The following SEC14L1 variants were observed in gnomAD, a reference collection of about 807,000 sequenced individuals.
SEC14L1 encodes SEC14 like lipid binding 1, also known as SEC14-like protein 1.
SEC14L1 carries 48 observed loss-of-function variants against 85.3 expected under a neutral mutation model. The ratio of observed to expected loss-of-function variants is 0.56; its 90% CI spans 0.45 to 0.72. The LOEUF is 0.72. Ranked by LOEUF, SEC14L1 falls within the 30% of genes least tolerant of loss-of-function variation. The pLI, the probability that SEC14L1 is intolerant of heterozygous loss-of-function variation, is 0.00. For missense variants in SEC14L1, 682 were observed against 921.4 expected (o/e 0.74, Z 3.36); for synonymous variants, 391 against 355.5 (o/e 1.10, Z -1.12).
intron 14 of SEC14L1, chr17:77,211,580 T>A (rs1976752981): frequency 5.3e-6 from 1 of 190,458 alleles, no homozygotes; most frequent in South Asian, 1.1e-4. Context: ...GCTTTCACCT[T>A]CTCCAGGGCC....
intron 3 of SEC14L1, chr17:77,127,859 G>A (rs1018338714): frequency 1.3e-5 from 2 of 152,180 alleles, no homozygotes; most frequent in African/African-American, 4.8e-5. Context: ...AGAGAAAGGA[G>A]AGAGATTTGA....
intron 5 of SEC14L1, among the ~76,000 whole-genome samples, chr17:77,192,940 G>A (rs889667167): frequency 1.3e-5 from 2 of 152,232 alleles, no homozygotes; most frequent in Non-Finnish European, 2.9e-5. Flanking sequence ...GGGATTGCAG[G>A]TGTGAACCAT....
intron 3 of SEC14L1, among the ~76,000 whole-genome samples, chr17:77,107,598 A>G (rs1971943528): frequency 6.7e-6 from 1 of 148,434 alleles, no homozygotes; most frequent in African/African-American, 2.6e-5. Flanking sequence ...AGGAGTCCGT[A>G]GACCAGGTCA....
intron 5 of SEC14L1, among the ~76,000 whole-genome samples, chr17:77,192,831 T>G (rs1975611617): frequency 6.6e-6 from 1 of 152,126 alleles, no homozygotes; most frequent in Non-Finnish European, 1.5e-5. Context: ...TGGCTAGTTT[T>G]TAAATTTTTT....
intron 3 of SEC14L1, among the ~76,000 whole-genome samples, chr17:77,182,456 A>C (rs533185088): frequency 2.6e-5 from 4 of 152,334 alleles, no homozygotes; most frequent in African/African-American, 9.6e-5. Context: ...TCTCAGGGTC[A>C]GGTTGATGAG....
intron 3 of SEC14L1, among the ~76,000 whole-genome samples, chr17:77,100,267 T>C (rs1315626603): frequency 6.6e-6 from 1 of 152,226 alleles, no homozygotes; most frequent in Non-Finnish European, 1.5e-5. Context: ...CCGAGCACTG[T>C]GGTCATCTGT....
upstream of SEC14L1, among the ~76,000 whole-genome samples, chr17:77,139,118 G>A (rs1972882544): frequency 6.7e-6 from 1 of 149,490 alleles, no homozygotes; most frequent in South Asian, 2.1e-4. Flanking sequence ...TGTATTTCCT[G>A]TAAACTGGTG....
In SEC14L1 at chr17:77,214,056, G is replaced by C. The variant is rs756934207; in HGVS notation, c.*33G>C. 6.3e-7 allele frequency: 1 copy of C among 1,596,176 alleles called. No homozygotes were observed. Among genetic ancestry groups the C allele is most frequent in the Admixed American group, 1.7e-5 (1 of 58,074 alleles). ...CTGCCTGCACCTAGTGTGCAGAGGG[G>C]ACGGCCGCCCCTCCTCGGACAGCCA... On this transcript the variant is annotated 3_prime_UTR_variant, in exon 17 of 17. Coordinates refer to ENST00000436233, the MANE Select transcript of SEC14L1 (RefSeq NM_001143998.2).
intron 3 of SEC14L1, among the ~76,000 whole-genome samples, chr17:77,159,568 A>G (rs1486140502): frequency 1.3e-5 from 2 of 150,814 alleles, no homozygotes; most frequent in Admixed American, 6.6e-5. Context: ...TTTAGTAGGG[A>G]TGGGGTTTCA....
At chr17:77,202,777 G>A (rs564754065) in intron 9 of SEC14L1, among the ~76,000 whole-genome samples, 11 of 151,906 alleles carry the variant, frequency 7.2e-5, no homozygotes, top group Admixed American at 2.6e-4. Context: ...AAAATTAGCC[G>A]GGCATGGCAG....
intron 6 of SEC14L1, 48 bp from the exon 7 acceptor site, chr17:77,194,629 T>C (rs777985435): frequency 4.5e-5 from 64 of 1,437,054 alleles, no homozygotes; most frequent in Non-Finnish European, 6.1e-5. Flanking sequence ...AGATGAGTAA[T>C]TTGAATGTTG....
At chr17:77,150,380 C>A (rs1388264024) in intron 3 of SEC14L1, among the ~76,000 whole-genome samples, 2 of 152,136 alleles carry the variant, frequency 1.3e-5, no homozygotes, top group East Asian at 3.8e-4. Context: ...GCCACAGTCT[C>A]CCCCTCTCCC....
intron 3 of SEC14L1, among the ~76,000 whole-genome samples, chr17:77,174,918 CCT>C (rs1356770268): frequency 1.3e-5 from 2 of 152,212 alleles, no homozygotes; most frequent in Admixed American, 6.5e-5. Context: ...GTGTCCTTCC[CCT>C]GTTGGCTAGG....
At chr17:77,184,082 G>A (rs887468090) in intron 3 of SEC14L1, among the ~76,000 whole-genome samples, 1 of 152,080 alleles carries the variant, frequency 6.6e-6, no homozygotes, top group Non-Finnish European at 1.5e-5. Context: ...CACCATGCCC[G>A]GCCTTATTTC....
chr17:77,091,532 G>T (rs1339543139), intron 2 of SEC14L1, among the ~76,000 whole-genome samples: 1 of 152,214 alleles, frequency 6.6e-6, no homozygotes, highest in African/African-American at 2.4e-5. Flanking sequence ...ATGCTATCCA[G>T]AGCAGCCGCA....
At chr17:77,117,963 T>C (rs1972215959) in intron 3 of SEC14L1, among the ~76,000 whole-genome samples, 1 of 152,248 alleles carries the variant, frequency 6.6e-6, no homozygotes, top group Non-Finnish European at 1.5e-5. Context: ...CTCTCGAACC[T>C]AGGACTGGGA....
intron 3 of SEC14L1, among the ~76,000 whole-genome samples, chr17:77,189,322 C>T (rs77306478): frequency 0.051 from 7,786 of 152,188 alleles, 313 homozygotes; most frequent in Admixed American, 0.11. Flanking sequence ...TTCCTTACCA[C>T]GCTGGCCCAA....
chr17:77,095,212 G>A (rs1306741188), intron 3 of SEC14L1, among the ~76,000 whole-genome samples: 1 of 152,206 alleles, frequency 6.6e-6, no homozygotes, highest in Non-Finnish European at 1.5e-5. Flanking sequence ...TTATAGCGTG[G>A]AAAATGGACA....
intron 3 of SEC14L1, among the ~76,000 whole-genome samples, chr17:77,108,653 C>T (rs140131991): frequency 0.076 from 11,544 of 151,520 alleles, 611 homozygotes; most frequent in East Asian, 0.17. Flanking sequence ...GCAGGAGGAT[C>T]GCTTGAACCT....
Sources: allele counts gnomAD v4.1 joint callset (sites outside exome capture counted in the v4.1 genomes callset), GRCh38; gene constraint gnomAD v4.1.1; transcripts MANE v1.5; gene names NCBI Gene and HGNC (gene_info 2026-07-23, HGNC 2026-07-21).